Variants in MSRA observed in about 807,000 individuals in gnomAD.
The protein encoded by MSRA is methionine sulfoxide reductase A, also known as mitochondrial peptide methionine sulfoxide reductase.
A neutral mutation model predicts 31.3 loss-of-function variants in MSRA; 54 were observed. The ratio of observed to expected loss-of-function variants is 1.73; its 90% CI spans 1.39 to 2.17. The LOEUF (loss-of-function observed/expected upper bound fraction) is 2.17, where lower values mean the gene tolerates loss of function less well. Ranked by LOEUF, MSRA falls within the 30% of genes most tolerant of loss-of-function variation. The probability of loss-of-function intolerance (pLI) is 0.00; values close to 1 mark genes in which losing one functional copy is unlikely to be tolerated. For synonymous variants in MSRA, 169 were observed against 116.5 expected, an observed-to-expected ratio of 1.45 and a Z score of -2.90; for missense variants, 507 against 300.9, an observed-to-expected ratio of 1.69 and a Z score of -5.07.
At chr8:10,282,450 T>C (rs1799671961) in intron 3 of MSRA, among the ~76,000 whole-genome samples, 2 of 152,250 alleles carry the variant, frequency 1.3e-5, no homozygotes, top group South Asian at 4.1e-4. Context: ...ATGTTTTCTG[T>C]TATCTGCAAA....
intron 1 of MSRA, among the ~76,000 whole-genome samples, chr8:10,089,796 G>A (rs1477389363): frequency 1.3e-5 from 2 of 152,166 alleles, no homozygotes; most frequent in African/African-American, 4.8e-5. Context: ...GGGGCGTCCT[G>A]GCTTTATAAC....
In MSRA at chr8:10,287,250, A is replaced by G. The variant is rs145098885; in HGVS notation, c.332-14284A>G. On this transcript the variant is annotated intron_variant, in intron 3 of 5. Transcript: ENST00000317173. Reference sequence around the variant, plus strand: ...CAATGTTTATGGGGAGAAAGCATGAAATTATGGAATCAAACCTACTGGGCC... The same window carrying G: ...CAATGTTTATGGGGAGAAAGCATGAGATTATGGAATCAAACCTACTGGGCC... Among the ~76,000 whole-genome samples the G allele has an allele frequency of 4.3e-3, 654 of 152,294 alleles. 1 individual carries two copies. The highest frequency in any genetic ancestry group is 0.014 in the African/African-American group (566 of 41,566).
Position 10,072,899 on chromosome 8 carries a change from C to G in MSRA, c.142+18241C>G, listed in dbSNP as rs528021687. On this transcript the variant is annotated intron_variant, in intron 1 of 5. Coordinates refer to ENST00000317173, the MANE Select transcript of MSRA (RefSeq NM_012331.5). ...TGGTATCTTTAATTTTGGTTTCCAC[C>G]TGTTCATTGATAGTATTTAAAAATG... Among the ~76,000 whole-genome samples the G allele has an allele frequency of 9.9e-5, 15 of 152,214 alleles. No homozygotes were observed. In the East Asian group the frequency reaches 1.5e-3, roughly 16 times the overall value.
chr8:10,150,767 G>C (rs952582694), intron 1 of MSRA, among the ~76,000 whole-genome samples: 1 of 152,134 alleles, frequency 6.6e-6, no homozygotes, highest in South Asian at 2.1e-4. Context: ...AAGCGCGCAG[G>C]ATTAAAAAGC....
intron 1 of MSRA, among the ~76,000 whole-genome samples, chr8:10,108,743 A>C (rs1227759076): frequency 6.6e-6 from 1 of 152,136 alleles, no homozygotes; most frequent in Admixed American, 6.5e-5. Flanking sequence ...CTTATCAGAA[A>C]TGCCTGGCAC....
chr8:10,158,676 AATG>A (rs144861703), intron 1 of MSRA, among the ~76,000 whole-genome samples: 6,056 of 152,332 alleles, frequency 0.04, 153 homozygotes, highest in South Asian at 0.068. Flanking sequence ...TATTGTGAAT[AATG>A]ATGCTGTGAA....
At chr8:10,058,263 AACTAC>A (rs1466847452) in intron 1 of MSRA, among the ~76,000 whole-genome samples, 1 of 152,210 alleles carries the variant, frequency 6.6e-6, no homozygotes, top group East Asian at 1.9e-4. Context: ...AAAAAAATTG[AACTAC>A]ACTAATGACA....
intron 5 of MSRA, among the ~76,000 whole-genome samples, chr8:10,427,426 G>A (rs1055202431): frequency 1.3e-5 from 2 of 152,176 alleles, no homozygotes; most frequent in African/African-American, 2.4e-5. Context: ...AGATGTCACC[G>A]GGACGTAAAC....
rs578010820 is a variant in MSRA, at chr8:10,367,716, T to C, written c.543+47727T>C. On this transcript the variant is annotated intron_variant, in intron 5 of 5. Transcript: ENST00000317173. ...AAGGGCTCCGATCGCGGGCATCCCA[T>C]TGCTCTGTCTCCGGCGCTGGCTGGA... Among the ~76,000 whole-genome samples, 18 of 152,338 alleles carry C rather than the reference T, an allele frequency of 1.2e-4. No individual in the cohort carries two copies. The East Asian group carries it at 3.5e-3, about 29-fold the overall frequency.
At chr8:10,172,228 G>C (rs1475417734) in intron 1 of MSRA, among the ~76,000 whole-genome samples, 1 of 152,188 alleles carries the variant, frequency 6.6e-6, no homozygotes, top group Non-Finnish European at 1.5e-5. Context: ...GTGTCACCCT[G>C]CATGGGGTAT....
At chr8:10,370,333 C>G (rs931308692) in intron 5 of MSRA, among the ~76,000 whole-genome samples, 1 of 152,182 alleles carries the variant, frequency 6.6e-6, no homozygotes, top group Non-Finnish European at 1.5e-5. Context: ...GTACTGCTTC[C>G]TGTGAGAAGA....
At chr8:10,074,712 G>T (rs778566419) in intron 1 of MSRA, among the ~76,000 whole-genome samples, 9 of 151,978 alleles carry the variant, frequency 5.9e-5, no homozygotes, top group Admixed American at 1.3e-4. Flanking sequence ...AGGCTGGAGT[G>T]CAGTAGTACG....
intron 1 of MSRA, among the ~76,000 whole-genome samples, chr8:10,154,442 A>G (rs980878609): frequency 5.9e-5 from 9 of 152,024 alleles, no homozygotes; most frequent in Admixed American, 2.0e-4. Context: ...CAGTGGCACA[A>G]TCTCGGCTCA....
chr8:10,331,705 C>T (rs1304280077), intron 5 of MSRA, among the ~76,000 whole-genome samples: 1 of 152,116 alleles, frequency 6.6e-6, no homozygotes, highest in Non-Finnish European at 1.5e-5. Context: ...TCTGAAGATA[C>T]CAAAATCTGA....
intron 2 of MSRA, among the ~76,000 whole-genome samples, chr8:10,226,875 C>A (rs558280169): frequency 7.2e-5 from 11 of 152,300 alleles, no homozygotes; most frequent in Middle Eastern, 6.8e-3. Context: ...GAGTTTGATT[C>A]TTCTGGACCG....
intron 3 of MSRA, among the ~76,000 whole-genome samples, chr8:10,272,015 C>G (rs956568462): frequency 1.3e-5 from 2 of 152,164 alleles, no homozygotes; most frequent in African/African-American, 4.8e-5. Flanking sequence ...GCCAGGTACT[C>G]TTTTTTAAAA....
At chr8:10,332,820 T>C (rs952909310) in intron 5 of MSRA, among the ~76,000 whole-genome samples, 8 of 152,226 alleles carry the variant, frequency 5.3e-5, no homozygotes, top group African/African-American at 1.7e-4. Flanking sequence ...GAAAAGCTTG[T>C]AATAATGGGC....
At chr8:10,186,731 G>T (rs1169390259) in intron 1 of MSRA, among the ~76,000 whole-genome samples, 1 of 152,210 alleles carries the variant, frequency 6.6e-6, no homozygotes, top group Non-Finnish European at 1.5e-5. Flanking sequence ...GCTGTGATGG[G>T]TGGGGCGGGG....
intron 4 of MSRA, among the ~76,000 whole-genome samples, chr8:10,308,419 CT>C (rs1801256338): frequency 6.6e-6 from 1 of 152,212 alleles, no homozygotes; most frequent in South Asian, 2.1e-4. Context: ...CCTCATTTCT[CT>C]CTATCCACTT....
Sources: allele counts gnomAD v4.1 joint callset (sites outside exome capture counted in the v4.1 genomes callset), GRCh38; gene constraint gnomAD v4.1.1; transcripts MANE v1.5; gene names NCBI Gene and HGNC (gene_info 2026-07-23, HGNC 2026-07-21).